The following OSBPL8 variants were observed in gnomAD, a reference collection of about 807,000 sequenced individuals.
OSBPL8 encodes the protein oxysterol-binding protein-related protein 8.
A neutral mutation model predicts 125.5 loss-of-function variants in OSBPL8; 59 were observed. The observed-to-expected ratio is 0.47, with a 90% confidence interval of 0.38 to 0.58. The LOEUF (loss-of-function observed/expected upper bound fraction) is 0.58. OSBPL8 is among the 20% of genes least tolerant of loss of function. The probability of loss-of-function intolerance (pLI) is 0.00; values close to 1 mark genes in which losing one functional copy is unlikely to be tolerated. For synonymous variants in OSBPL8, 330 were observed against 338.9 expected (o/e 0.97, Z 0.29); for missense variants, 758 against 1,047.8 (o/e 0.72, Z 3.82).
At chr12:76,490,713 C>T (rs1036187191) in intron 1 of OSBPL8, among the ~76,000 whole-genome samples, 2 of 152,218 alleles carry the variant, frequency 1.3e-5, no homozygotes, top group Non-Finnish European at 2.9e-5. Context: ...ATACAAAAGG[C>T]TGTCACACTG....
intron 10 of OSBPL8, 53 bp from the exon 11 acceptor site, chr12:76,390,710 A>G: frequency 9.8e-7 from 1 of 1,024,982 alleles, no homozygotes. Flanking sequence ...AGAATGCTCA[A>G]TTCATAAATA....
At chr12:76,503,985 G>T (rs1008655655) in intron 1 of OSBPL8, among the ~76,000 whole-genome samples, 1 of 150,894 alleles carries the variant, frequency 6.6e-6, no homozygotes, top group African/African-American at 2.4e-5. Context: ...TTGCTGTGAA[G>T]ACTTTTTTTT....
At chr12:76,527,758 A>C (rs1387784625) in intron 1 of OSBPL8, among the ~76,000 whole-genome samples, 1 of 152,208 alleles carries the variant, frequency 6.6e-6, no homozygotes, top group African/African-American at 2.4e-5. Context: ...TCCTGAGCTT[A>C]GGGAACCCAA....
At chr12:76,454,557 G>A (rs144227716) in intron 3 of OSBPL8, among the ~76,000 whole-genome samples, 33 of 151,538 alleles carry the variant, frequency 2.2e-4, no homozygotes, top group Admixed American at 2.0e-4. Context: ...TTAGCTGGGC[G>A]TGGTAGCTCA....
chr12:76,448,213 A>C (rs374223375), intron 4 of OSBPL8, among the ~76,000 whole-genome samples: 1 of 152,200 alleles, frequency 6.6e-6, no homozygotes, highest in Admixed American at 6.5e-5. Context: ...CAAAAGGTTA[A>C]TAACTCCTTA....
intron 16 of OSBPL8, among the ~76,000 whole-genome samples, chr12:76,377,163 T>C (rs1424601742): frequency 6.6e-6 from 1 of 152,236 alleles, no homozygotes; most frequent in Non-Finnish European, 1.5e-5. Flanking sequence ...ATTTTCTTTA[T>C]CCAGTTTATC....
At position 76,509,423 on chromosome 12, in the gene OSBPL8, CAT is replaced by C. The variant is rs565347756; in HGVS notation, c.-67-21807_-67-21806del. ...ATCTAATATAATGAGAGATTATATA[CAT>C]GTGACAATTTCCAAATATCAAGCTA... On this transcript the variant is annotated intron_variant, in intron 1 of 23. Transcript: ENST00000261183. Among the ~76,000 whole-genome samples, 474 of 152,228 alleles carry C rather than the reference CAT, an allele frequency of 3.1e-3. 2 individuals are homozygous for C. Among genetic ancestry groups the C allele is most frequent in the Non-Finnish European group, 3.7e-3 (250 of 68,008 alleles).
chr12:76,366,392 C>G (rs1208002935), intron 21 of OSBPL8, among the ~76,000 whole-genome samples: 1 of 152,206 alleles, frequency 6.6e-6, no homozygotes, highest in East Asian at 1.9e-4. Context: ...AGTAACATCC[C>G]CACTTTAATT....
At position 76,358,696 on chromosome 12, in the gene OSBPL8, A is replaced by G; in HGVS notation, c.2434+10T>C. The G allele has an allele frequency of 6.3e-7, 1 of 1,589,152 alleles. No homozygotes were observed. Among genetic ancestry groups the G allele is most frequent in the Non-Finnish European group, 8.6e-7 (1 of 1,157,462 alleles). On this transcript the variant is annotated intron_variant, in intron 22 of 23. Transcript: ENST00000261183. Reference sequence around the variant, plus strand: ...TTAGACTCTCATTAGTCTGCAATAAATATTTTTACCTTCACTTCCAGAGGA... The same window carrying G: ...TTAGACTCTCATTAGTCTGCAATAAGTATTTTTACCTTCACTTCCAGAGGA...
At chr12:76,366,365 ATTTC>A (rs1952414616) in intron 21 of OSBPL8, among the ~76,000 whole-genome samples, 1 of 152,226 alleles carries the variant, frequency 6.6e-6, no homozygotes, top group East Asian at 1.9e-4. Context: ...TCATAATCCT[ATTTC>A]TTTATGATTG....
At chr12:76,528,750 A>G (rs1033619270) in intron 1 of OSBPL8, among the ~76,000 whole-genome samples, 3 of 152,180 alleles carry the variant, frequency 2.0e-5, no homozygotes, top group Admixed American at 6.6e-5. Flanking sequence ...CTACTAGGGA[A>G]GGCTGAGGTG....
chr12:76,403,125 AAAAC>A (rs1186662281), intron 5 of OSBPL8, among the ~76,000 whole-genome samples: 2 of 152,208 alleles, frequency 1.3e-5, no homozygotes, highest in Admixed American at 6.5e-5. Context: ...AAATATTCTA[AAAAC>A]AAACAAAGAC....
intron 1 of OSBPL8, among the ~76,000 whole-genome samples, chr12:76,495,073 C>G (rs1006528004): frequency 2.0e-5 from 3 of 152,206 alleles, no homozygotes; most frequent in African/African-American, 4.8e-5. Context: ...GCTGCCTTCT[C>G]TCTATTCCAA....
intron 21 of OSBPL8, among the ~76,000 whole-genome samples, chr12:76,368,233 C>T (rs910325689): frequency 1.3e-5 from 2 of 152,180 alleles, no homozygotes; most frequent in African/African-American, 2.4e-5. Context: ...AATATGTCAT[C>T]TCATTGCCTT....
At chr12:76,449,467 T>A (rs372311147) in intron 4 of OSBPL8, among the ~76,000 whole-genome samples, 1 of 152,226 alleles carries the variant, frequency 6.6e-6, no homozygotes, top group Non-Finnish European at 1.5e-5. Flanking sequence ...GCCATTTTCA[T>A]TGATGGCACA....
intron 2 of OSBPL8, among the ~76,000 whole-genome samples, chr12:76,473,777 A>C (rs543888106): frequency 6.6e-6 from 1 of 152,312 alleles, no homozygotes; most frequent in Admixed American, 6.5e-5. Context: ...GTATGATCTG[A>C]TTCAAAGAGA....
At chr12:76,395,532 A>AT (rs1373616202) in intron 8 of OSBPL8, among the ~76,000 whole-genome samples, 1 of 150,598 alleles carries the variant, frequency 6.6e-6, no homozygotes, top group Admixed American at 6.7e-5. Context: ...AAAATTTAAT[A>AT]TGACTTTAAC....
chr12:76,414,450 G>GTT (rs35085467), intron 4 of OSBPL8, among the ~76,000 whole-genome samples: 30 of 120,506 alleles, frequency 2.5e-4, no homozygotes, highest in East Asian at 4.5e-4. Flanking sequence ...TATTTTTCTG[G>GTT]TTTTTTTTTT....
At chr12:76,427,302 C>A (rs1870262969) in intron 4 of OSBPL8, among the ~76,000 whole-genome samples, 1 of 151,972 alleles carries the variant, frequency 6.6e-6, no homozygotes, top group African/African-American at 2.4e-5. Context: ...GCCTATACAT[C>A]ATAGACTTAT....
Sources: gnomAD v4.1 joint callset for allele counts (sites outside exome capture counted in the v4.1 genomes callset) on GRCh38, gnomAD v4.1.1 for gene constraint, MANE v1.5 for transcripts, NCBI Gene and HGNC (gene_info 2026-07-23, HGNC 2026-07-21) for gene names.